The following PCDHGA7 variants were observed in gnomAD, a reference collection of about 807,000 sequenced individuals.
PCDHGA7 encodes the protein protocadherin gamma-A7.
PCDHGA7 carries 44 observed loss-of-function variants against 58.3 expected under a neutral mutation model. That is an observed-to-expected ratio of 0.75 (90% CI 0.59 to 0.97). PCDHGA7 has a LOEUF of 0.97. PCDHGA7 is among the 50% of genes least tolerant of loss of function. The pLI is 0.00. For missense variants in PCDHGA7, 1,266 were observed against 1,188.7 expected (o/e 1.06, Z -0.96); for synonymous variants, 516 against 504.2 (o/e 1.02, Z -0.31).
Position 141,384,509 on chromosome 5 carries a change from G to T in PCDHGA7, c.1610G>T (p.Ser537Ile). The T allele has an allele frequency of 6.2e-7, 1 of 1,614,176 alleles. No individual in the cohort carries two copies. The highest frequency in any genetic ancestry group is 8.5e-7 in the Non-Finnish European group (1 of 1,180,008). Reference protein sequence around the residue: ...ELQLRVTAHDSGDPPLSSNMS... With the variant: ...ELQLRVTAHDIGDPPLSSNMS... ...CAACTAAGAGTGACTGCACATGACAGCGGGGACCCGCCTCTCAGCAGCAAC... is the reference window on the plus strand; with the variant it reads ...CAACTAAGAGTGACTGCACATGACATCGGGGACCCGCCTCTCAGCAGCAAC... The change falls in exon 1 of 4, where the codon AGC (serine) becomes ATC (isoleucine). Residue 537 changes from serine (S) to isoleucine (I), a missense_variant. Coordinates refer to ENST00000518325, the MANE Select transcript of PCDHGA7 (RefSeq NM_018920.4).
rs1163950013 is a variant in PCDHGA7 at position 141,512,955 on chromosome 5, A to G, written c.*1782A>G. 2 of 152,234 alleles carry G rather than the reference A, an allele frequency of 1.3e-5. No homozygotes were observed. The highest frequency in any genetic ancestry group is 2.9e-5 in the Non-Finnish European group (2 of 68,046). The allele number at this position is 152,234 out of a possible 1,614,324, so 9.4% of individuals were successfully genotyped here. ...GCTTTTTTTCTTCGACAAAAAAATA[A>G]TAAAACGTTTCTTCTGAAAAGCTGA... On this transcript the variant is annotated 3_prime_UTR_variant, in exon 4 of 4. Coordinates refer to ENST00000518325, the MANE Select transcript of PCDHGA7 (RefSeq NM_018920.4).
At chr5:141,496,994 T>A (rs2099773177) in intron 2 of PCDHGA7, among the ~76,000 whole-genome samples, 1 of 151,862 alleles carries the variant, frequency 6.6e-6, no homozygotes, top group Non-Finnish European at 1.5e-5. Flanking sequence ...GAGACCAGCC[T>A]GGCAGCCAAC....
rs953803165 is a variant in PCDHGA7, at chr5:141,392,978, C to A, written c.2424+7655C>A. 2.5e-6 allele frequency: 4 copies of A among 1,613,808 alleles called. No individual in the cohort carries two copies. The highest frequency in any genetic ancestry group is 1.7e-4 in the Middle Eastern group (1 of 6,054). Reference sequence around the variant, plus strand: ...ATATCTCCAAGGACCTGGGGCTGGACCCCCGGAAGCTGGCGAAGCACGGAG... The same window carrying A: ...ATATCTCCAAGGACCTGGGGCTGGAACCCCGGAAGCTGGCGAAGCACGGAG... On this transcript the variant is annotated intron_variant, in intron 1 of 3. Coordinates refer to ENST00000518325, the MANE Select transcript of PCDHGA7 (RefSeq NM_018920.4).
At chr5:141,483,761 GA>G (rs1376816525) in intron 1 of PCDHGA7, among the ~76,000 whole-genome samples, 1 of 152,118 alleles carries the variant, frequency 6.6e-6, no homozygotes, top group African/African-American at 2.4e-5. Flanking sequence ...TCGAGGCTTG[GA>G]AAAATATTGG....
intron 1 of PCDHGA7, chr5:141,430,495 T>C: frequency 3.4e-6 from 1 of 293,400 alleles, no homozygotes; most frequent in Non-Finnish European, 6.2e-6. Context: ...GAAATATCCT[T>C]TCTGGGAGTT....
In PCDHGA7 at chr5:141,431,202, C is replaced by T. The variant is rs2097350864; in HGVS notation, c.2424+45879C>T. The stretch of plus-strand genomic sequence containing the variant: ...ATAAAAATTAGTGAAAATGCAGCCA[C>T]TGAGATGCGGTTCCCTCTACCCCAC... On this transcript the variant is annotated intron_variant, in intron 1 of 3. Coordinates refer to ENST00000518325, the MANE Select transcript of PCDHGA7 (RefSeq NM_018920.4). The surrounding 1 kb of genome is among the most constrained non-coding windows in gnomAD (Gnocchi z 4.8). 6.2e-7 allele frequency: 1 copy of T among 1,614,204 alleles called. No individual in the cohort carries two copies. Among genetic ancestry groups the T allele is most frequent in the Non-Finnish European group, 8.5e-7 (1 of 1,180,052 alleles).
Position 141,432,083 on chromosome 5 carries a change from G to T in PCDHGA7, c.2424+46760G>T, listed in dbSNP as rs1221754474. On this transcript the variant is annotated intron_variant, in intron 1 of 3. Transcript: ENST00000518325. The surrounding 1 kb of genome is among the most constrained non-coding windows in gnomAD (Gnocchi z 6.0). ...CACGGAAACTCATATCTCGCTGAAC[G>T]TGGCAGACACCAACGACAACCCGCC... The T allele has an allele frequency of 1.9e-6, 3 of 1,614,040 alleles. No individual in the cohort carries two copies. The highest frequency in any genetic ancestry group is 2.7e-5 in the African/African-American group (2 of 74,910).
In PCDHGA7 at chr5:141,432,129, A is replaced by T. The variant is rs758099753; in HGVS notation, c.2424+46806A>T. The T allele has an allele frequency of 6.2e-6, 10 of 1,614,054 alleles. No individual in the cohort carries two copies. In the South Asian group the frequency reaches 8.8e-5, roughly 14 times the overall value. On this transcript the variant is annotated intron_variant, in intron 1 of 3. Transcript: ENST00000518325. This position sits in a 1 kb window ranked among gnomAD's most constrained non-coding sequence, Gnocchi z 6.0. ...CCGCCGGTCTTCCCTCAGGCCTCCTATTCCGCTTATATCCCAGAGAACAAT... is the reference window on the plus strand; with the variant it reads ...CCGCCGGTCTTCCCTCAGGCCTCCTTTTCCGCTTATATCCCAGAGAACAAT...
chr5:141,433,017 A>G, intron 1 of PCDHGA7: 2 of 1,614,124 alleles, frequency 1.2e-6, no homozygotes, highest in Non-Finnish European at 8.5e-7. Context: ...CTGCAGACCT[A>G]TTCCCACGAG....
At chr5:141,405,397 T>A (rs1383127737) in intron 1 of PCDHGA7, 3 of 1,591,464 alleles carry the variant, frequency 1.9e-6, no homozygotes, top group Admixed American at 1.8e-5. Context: ...TTTTTTTCTT[T>A]CTTTCTTTTC....
In PCDHGA7 at chr5:141,385,234, C is replaced by T; in HGVS notation, c.2335C>T (p.Leu779Phe). 2 of 1,614,178 alleles carry T rather than the reference C, an allele frequency of 1.2e-6. No homozygotes were observed. Among genetic ancestry groups the T allele is most frequent in the African/African-American group, 1.3e-5 (1 of 75,070 alleles). ...CCCCCAGCCCAACTATGTAGACATGCTCATCAGCCAGGAGAGCTGTGAGAA... is the reference window on the plus strand; with the variant it reads ...CCCCCAGCCCAACTATGTAGACATGTTCATCAGCCAGGAGAGCTGTGAGAA... ...IFPQPNYVDM[L>F]ISQESCEKND... Residue 779 changes from leucine to phenylalanine, a missense_variant, in exon 1 of 4, where the codon CTC (leucine) becomes TTC (phenylalanine). By Grantham distance (22) the Leu-to-Phe change is conservative. Coordinates refer to ENST00000518325, the MANE Select transcript of PCDHGA7 (RefSeq NM_018920.4).
At chr5:141,404,516 T>G (rs968433488) in intron 1 of PCDHGA7, 1 of 1,613,754 alleles carries the variant, frequency 6.2e-7, no homozygotes, top group African/African-American at 1.3e-5. Flanking sequence ...CTCCTTTGAC[T>G]ATGAGCAGTT....
At chr5:141,415,257 T>G in intron 1 of PCDHGA7, 1 of 1,614,170 alleles carries the variant, frequency 6.2e-7, no homozygotes, top group Non-Finnish European at 8.5e-7. Flanking sequence ...CAGACCTCAC[T>G]CTGTACCTGG....
intron 1 of PCDHGA7, chr5:141,393,331 GC>G (rs3214276): frequency 0.09 from 144,732 of 1,613,856 alleles, 7,527 homozygotes; most frequent in African/African-American, 0.18. Flanking sequence ...TACCAGCTCA[GC>G]CCCAATCACC....
rs961341807 is a variant in PCDHGA7 at position 141,486,262 on chromosome 5, A to G, written c.2425-8545A>G. The G allele has an allele frequency of 6.2e-6, 10 of 1,613,912 alleles. No individual in the cohort carries two copies. Among genetic ancestry groups the G allele is most frequent in the Non-Finnish European group, 8.5e-6 (10 of 1,179,986 alleles). On this transcript the variant is annotated intron_variant, in intron 1 of 3. Transcript: ENST00000518325. This position sits in a 1 kb window ranked among gnomAD's most constrained non-coding sequence, Gnocchi z 5.0. ...AGCTTGGAACCCTCCCCGAGAGTGC[A>G]GAACCTGGCACTGTGGTGGCACTTA...
intron 1 of PCDHGA7, chr5:141,389,864 G>A: frequency 6.2e-7 from 1 of 1,614,058 alleles, no homozygotes; most frequent in Non-Finnish European, 8.5e-7. Flanking sequence ...CGTTGCACCT[G>A]GTCTTCGCCG....
At chr5:141,415,012 C>T (rs1451963535) in intron 1 of PCDHGA7, 2 of 1,613,644 alleles carry the variant, frequency 1.2e-6, no homozygotes, top group South Asian at 1.1e-5. Context: ...CTACCGTCTG[C>T]TCAAGGCCAG....
chr5:141,423,474 T>C, intron 1 of PCDHGA7: 1 of 1,614,004 alleles, frequency 6.2e-7, no homozygotes, highest in Non-Finnish European at 8.5e-7. Flanking sequence ...GGGTACAGGC[T>C]TTCCTGCAAA....
At chr5:141,409,148 A>C (rs2154541051) in intron 1 of PCDHGA7, 1 of 1,614,056 alleles carries the variant, frequency 6.2e-7, no homozygotes. Context: ...AGAAAGGTAC[A>C]CCATGGAAGT....
Sources: allele counts gnomAD v4.1 joint callset (sites outside exome capture counted in the v4.1 genomes callset), GRCh38; gene constraint gnomAD v4.1.1; non-coding constraint Gnocchi (gnomAD v3.1); transcripts MANE v1.5; gene names NCBI Gene and HGNC (gene_info 2026-07-23, HGNC 2026-07-21).